The following ANKS1B variants were observed in gnomAD, a reference collection of about 807,000 sequenced individuals.
ANKS1B encodes the protein ankyrin repeat and sterile alpha motif domain-containing protein 1B.
In ANKS1B, 36 loss-of-function variants were observed where a neutral mutation model predicts 148.3. The ratio of observed to expected loss-of-function variants is 0.24; its 90% CI spans 0.19 to 0.32. The LOEUF (loss-of-function observed/expected upper bound fraction) is 0.32. Ranked by LOEUF, ANKS1B falls within the 10% of genes least tolerant of loss-of-function variation. ANKS1B has a pLI of 1.00. For missense variants in ANKS1B, 1,157 were observed against 1,542.6 expected (o/e 0.75, Z 4.19); for synonymous variants, 542 against 560.8 (o/e 0.97, Z 0.47).
chr12:99,210,617 C>T (rs1363420726), intron 14 of ANKS1B, among the ~76,000 whole-genome samples: 1 of 152,176 alleles, frequency 6.6e-6, no homozygotes, highest in Non-Finnish European at 1.5e-5. Flanking sequence ...GTTTTTACTC[C>T]CTGCCTTGCT....
chr12:99,408,198 A>C (rs1179046022), intron 11 of ANKS1B, among the ~76,000 whole-genome samples: 3 of 145,728 alleles, frequency 2.1e-5, no homozygotes, highest in Non-Finnish European at 4.5e-5. Flanking sequence ...AAATCTATAC[A>C]CTGACAGTGA....
chr12:99,820,397 T>C (rs923444371), intron 2 of ANKS1B, among the ~76,000 whole-genome samples: 4 of 151,938 alleles, frequency 2.6e-5, no homozygotes, highest in African/African-American at 7.2e-5. Flanking sequence ...AGGGGGACAG[T>C]TTGTGTTCAA....
intron 9 of ANKS1B, among the ~76,000 whole-genome samples, chr12:99,507,436 TAAAG>T (rs1443612300): frequency 6.6e-6 from 1 of 151,780 alleles, no homozygotes; most frequent in East Asian, 1.9e-4. Context: ...TTTGAAAACA[TAAAG>T]AAAGAGGAAA....
chr12:99,128,945 T>C (rs762908918), intron 15 of ANKS1B, among the ~76,000 whole-genome samples: 10 of 152,144 alleles, frequency 6.6e-5, no homozygotes, highest in Non-Finnish European at 1.3e-4. Context: ...AGGATGATTG[T>C]GAGTAGAATG....
At chr12:98,901,162 C>G (rs543521760) in intron 17 of ANKS1B, among the ~76,000 whole-genome samples, 2 of 152,084 alleles carry the variant, frequency 1.3e-5, no homozygotes, top group Non-Finnish European at 2.9e-5. Flanking sequence ...ATTTACAGAA[C>G]GAGTGAAAGA....
chr12:99,087,855 T>A (rs2052488093), intron 15 of ANKS1B, among the ~76,000 whole-genome samples: 1 of 152,198 alleles, frequency 6.6e-6, no homozygotes, highest in South Asian at 2.1e-4. Flanking sequence ...AGTGTTTGAA[T>A]ACTGAAATGT....
At chr12:99,549,283 A>G (rs899150039) in intron 9 of ANKS1B, among the ~76,000 whole-genome samples, 1 of 152,208 alleles carries the variant, frequency 6.6e-6, no homozygotes, top group African/African-American at 2.4e-5. Context: ...TGATGGCAGA[A>G]GACTGGAGAT....
At position 98,866,340 on chromosome 12, in the gene ANKS1B, T is replaced by C. The variant is rs1378073302; in HGVS notation, c.2779-34204A>G. Among the ~76,000 whole-genome samples, 6 of 152,326 alleles carry C rather than the reference T, an allele frequency of 3.9e-5. No homozygotes were observed. The East Asian group carries it at 1.2e-3, about 29-fold the overall frequency. Reference sequence around the variant, plus strand: ...CTGGGCCTTCTCACCTAAATTAATATACTGATTTCCTAAGTGGTTTTCTTA... The same window carrying C: ...CTGGGCCTTCTCACCTAAATTAATACACTGATTTCCTAAGTGGTTTTCTTA... On this transcript the variant is annotated intron_variant, in intron 17 of 26. Transcript: ENST00000683438.
In ANKS1B at chr12:99,789,545, A is replaced by G. The variant is rs145219702; in HGVS notation, c.670-7448T>C. Among the ~76,000 whole-genome samples the G allele has an allele frequency of 7.0e-3, 1,063 of 152,348 alleles. 17 individuals carry two copies. Among genetic ancestry groups the G allele is most frequent in the African/African-American group, 0.024 (1,007 of 41,576 alleles). On this transcript the variant is annotated intron_variant, in intron 4 of 26. Coordinates refer to ENST00000683438, the MANE Select transcript of ANKS1B (RefSeq NM_001352186.2). ...AAAATAGCTGTTTTGAGGAAACTCA[A>G]AGAAATTCAAGATAACACAGAGAAG...
chr12:99,823,462 T>G (rs1023080526), intron 2 of ANKS1B, among the ~76,000 whole-genome samples: 3 of 152,078 alleles, frequency 2.0e-5, no homozygotes, highest in African/African-American at 7.2e-5. Flanking sequence ...CATATCATCG[T>G]GCCCAGCTAA....
chr12:99,333,975 C>A (rs1006970226), intron 12 of ANKS1B, among the ~76,000 whole-genome samples: 1 of 149,286 alleles, frequency 6.7e-6, no homozygotes, highest in Non-Finnish European at 1.5e-5. Flanking sequence ...GGTTATGGAG[C>A]TTTATGGCTG....
intron 17 of ANKS1B, among the ~76,000 whole-genome samples, chr12:99,052,362 T>A (rs1177571046): frequency 3.9e-5 from 6 of 152,232 alleles, no homozygotes; most frequent in Non-Finnish European, 8.8e-5. Flanking sequence ...AAAATTTTGA[T>A]AATACAGCAG....
chr12:99,431,813 C>T (rs937357493), intron 11 of ANKS1B, among the ~76,000 whole-genome samples: 1 of 152,170 alleles, frequency 6.6e-6, no homozygotes, highest in Non-Finnish European at 1.5e-5. Flanking sequence ...TATGTATCTG[C>T]CTGCTACGAT....
chr12:99,703,062 C>T (rs7955548), intron 8 of ANKS1B, among the ~76,000 whole-genome samples: 28,761 of 151,928 alleles, frequency 0.19, 3,206 homozygotes, highest in East Asian at 0.46. Context: ...TTTGTTTCTC[C>T]ACAAGGCAAG....
At chr12:99,415,560 AAT>A (rs745434967) in intron 11 of ANKS1B, among the ~76,000 whole-genome samples, 24 of 152,276 alleles carry the variant, frequency 1.6e-4, no homozygotes, top group South Asian at 1.0e-3. Flanking sequence ...CATTGTGAGA[AAT>A]CATAGAGTGC....
At chr12:99,418,624 T>C (rs541735783) in intron 11 of ANKS1B, among the ~76,000 whole-genome samples, 7 of 152,314 alleles carry the variant, frequency 4.6e-5, no homozygotes, top group African/African-American at 1.7e-4. Context: ...CAAATCTGTA[T>C]GCCTTTTATT....
chr12:99,600,494 G>C (rs1341322479), intron 9 of ANKS1B, among the ~76,000 whole-genome samples: 1 of 151,982 alleles, frequency 6.6e-6, no homozygotes, highest in African/African-American at 2.4e-5. Flanking sequence ...CAGAGCACCA[G>C]GCAGTGACTG....
intron 17 of ANKS1B, among the ~76,000 whole-genome samples, chr12:98,964,347 TG>T (rs773448038): frequency 3.3e-5 from 5 of 152,176 alleles, no homozygotes; most frequent in Non-Finnish European, 7.4e-5. Context: ...ACACTGTTGG[TG>T]GGAATGTAAG....
chr12:99,531,417 T>G (rs11615198), intron 9 of ANKS1B, among the ~76,000 whole-genome samples: 1,615 of 152,342 alleles, frequency 0.011, 17 homozygotes, highest in Non-Finnish European at 0.017. Flanking sequence ...TACACCTTTG[T>G]GTACCTATAA....
Sources: allele counts gnomAD v4.1 joint callset (sites outside exome capture counted in the v4.1 genomes callset), GRCh38; gene constraint gnomAD v4.1.1; transcripts MANE v1.5; gene names NCBI Gene and HGNC (gene_info 2026-07-23, HGNC 2026-07-21).